The following PPL variants were observed in gnomAD, a reference collection of about 807,000 sequenced individuals.
PPL encodes periplakin.
PPL carries 198 observed loss-of-function variants against 194.4 expected under a neutral mutation model. The observed-to-expected ratio is 1.02, with a 90% CI of 0.91 to 1.15. The LOEUF is 1.15. Ranked by LOEUF, PPL falls within the 50% of genes most tolerant of loss-of-function variation. The pLI is 0.00. For synonymous variants in PPL, 1,220 were observed against 972.4 expected, an observed-to-expected ratio of 1.25 and a Z score of -4.74; for missense variants, 2,885 against 2,294.8, an observed-to-expected ratio of 1.26 and a Z score of -5.25.
chr16:4,925,284 T>C (rs368201281), intron 1 of PPL, among the ~76,000 whole-genome samples: 5 of 152,212 alleles, frequency 3.3e-5, no homozygotes, highest in African/African-American at 1.2e-4. Flanking sequence ...AGTAGCCCTC[T>C]GCCCCTACCT....
intron 1 of PPL, 73 bp downstream of exon 1, chr16:4,936,910 CG>C: frequency 7.0e-7 from 1 of 1,438,144 alleles, no homozygotes. Flanking sequence ...CTACACTGCC[CG>C]GGAGGTCTTC....
chr16:4,892,915 C>T (rs2088347056), intron 14 of PPL: 1 of 347,210 alleles, frequency 2.9e-6, no homozygotes, highest in Non-Finnish European at 5.2e-6. Flanking sequence ...TGTTTGCAGT[C>T]AAGCCAGCCG....
chr16:4,927,615 A>G (rs1015430931), intron 1 of PPL, among the ~76,000 whole-genome samples: 2 of 152,256 alleles, frequency 1.3e-5, no homozygotes, highest in Non-Finnish European at 1.5e-5. Context: ...TGATTGGTCA[A>G]TTGACTGATT....
At chr16:4,928,723 C>T (rs752283066) in intron 1 of PPL, among the ~76,000 whole-genome samples, 1 of 152,270 alleles carries the variant, frequency 6.6e-6, no homozygotes, top group East Asian at 1.9e-4. Context: ...ATAAGAAACT[C>T]TATTTGGCTG....
At chr16:4,930,050 T>G (rs1240705380) in intron 1 of PPL, among the ~76,000 whole-genome samples, 2 of 152,174 alleles carry the variant, frequency 1.3e-5, no homozygotes, top group Admixed American at 1.3e-4. Context: ...GCTCTGTGTA[T>G]GTTTCTAAAA....
At chr16:4,920,926 C>G (rs182315074) in intron 1 of PPL, among the ~76,000 whole-genome samples, 1 of 152,114 alleles carries the variant, frequency 6.6e-6, no homozygotes, top group Non-Finnish European at 1.5e-5. Context: ...TTATACAATT[C>G]GGGCCTTGCT....
At chr16:4,911,670 G>C (rs984959988) in intron 1 of PPL, among the ~76,000 whole-genome samples, 1 of 151,884 alleles carries the variant, frequency 6.6e-6, no homozygotes, top group Non-Finnish European at 1.5e-5. Context: ...AAGTAGCTGG[G>C]ACTACAGGCA....
At chr16:4,935,407 G>A (rs987289040) in intron 1 of PPL, among the ~76,000 whole-genome samples, 1 of 152,278 alleles carries the variant, frequency 6.6e-6, no homozygotes, top group East Asian at 1.9e-4. Context: ...CTGGGGTGGA[G>A]AGGACAGAAC....
At chr16:4,918,522 A>G (rs1358939323) in intron 1 of PPL, among the ~76,000 whole-genome samples, 2 of 152,166 alleles carry the variant, frequency 1.3e-5, no homozygotes, top group Non-Finnish European at 2.9e-5. Context: ...CTAAGTAAGT[A>G]CCATTATTCT....
At chr16:4,890,991 G>A in intron 16 of PPL, 70 bp from the exon 17 acceptor site, 1 of 1,358,610 alleles carries the variant, frequency 7.4e-7, no homozygotes, top group Non-Finnish European at 9.8e-7. Flanking sequence ...GACACCCACT[G>A]AAGCCCCTGG....
rs1285638336 is a variant in PPL, at chr16:4,884,661, G to A, written c.3994C>T (p.Gln1332Ter). 6.2e-7 allele frequency: 1 copy of A among 1,613,988 alleles called. No homozygotes were observed. The highest frequency in any genetic ancestry group is 8.5e-7 in the Non-Finnish European group (1 of 1,180,006). Residue 1332 changes from glutamine (Q) to a stop codon, truncating the protein, a stop_gained, in exon 22 of 22, where the codon CAG becomes TAG. Transcript: ENST00000345988. LOFTEE classifies it high-confidence loss of function. The surrounding 1 kb of genome is among the most constrained non-coding windows in gnomAD (Gnocchi z 5.7). ...TCTTTCCGGGCGATCTGCTCTTCCTGGGAAGCTCTTTCCCTCTCCAGATCC... is the reference window on the plus strand; with the variant it reads ...TCTTTCCGGGCGATCTGCTCTTCCTAGGAAGCTCTTTCCCTCTCCAGATCC... Reference protein sequence around the residue: ...QVDLERERASQEEQIARKEEE... With the variant: ...QVDLERERAS
intron 1 of PPL, among the ~76,000 whole-genome samples, chr16:4,931,635 G>C (rs534692597): frequency 6.6e-6 from 1 of 152,224 alleles, no homozygotes; most frequent in Non-Finnish European, 1.5e-5. Context: ...GCCGGGAGCA[G>C]AGAGCAGCTG....
At position 4,937,063 on chromosome 16, in the gene PPL, G is replaced by C. The variant is rs756988418; in HGVS notation, c.-18C>G. 2.2e-6 allele frequency: 3 copies of C among 1,385,772 alleles called. No individual in the cohort carries two copies. In the Admixed American group the frequency reaches 8.5e-5, roughly 39 times the overall value. 85.8% of individuals were successfully genotyped at this position (1,385,772 alleles called of 1,614,324 possible). Reference sequence around the variant, plus strand: ...GAGTTCATGGTGGCGCTCGGGGTGCGGGCGGCGGCGGCTGGCGGGCCGGGC... The same window carrying C: ...GAGTTCATGGTGGCGCTCGGGGTGCCGGCGGCGGCGGCTGGCGGGCCGGGC... On this transcript the variant is annotated 5_prime_UTR_variant, in exon 1 of 22. Coordinates refer to ENST00000345988, the MANE Select transcript of PPL (RefSeq NM_002705.5).
At position 4,895,411 on chromosome 16, in the gene PPL, G is replaced by C. The variant is rs1303081935; in HGVS notation, c.1096-4C>G. On this transcript the variant is annotated splice_region_variant and splice_polypyrimidine_tract_variant and intron_variant, in intron 10 of 21. Coordinates refer to ENST00000345988, the MANE Select transcript of PPL (RefSeq NM_002705.5). ...TGTCCAGCACCTTCTCCTGGTCCTG[G>C]AGAGAACGGGGTCAGGGGCCCAGGT... 6.2e-7 allele frequency: 1 copy of C among 1,612,608 alleles called. No individual in the cohort carries two copies. Among genetic ancestry groups the C allele is most frequent in the Non-Finnish European group, 8.5e-7 (1 of 1,179,700 alleles).
chr16:4,936,852 G>T, intron 1 of PPL, 132 bp downstream of exon 1: 1 of 889,920 alleles, frequency 1.1e-6, no homozygotes, highest in Non-Finnish European at 1.6e-6. Context: ...CGAGAGTCCC[G>T]CACTCCGGGT....
At chr16:4,913,185 C>T (rs534802920) in intron 1 of PPL, among the ~76,000 whole-genome samples, 26 of 152,172 alleles carry the variant, frequency 1.7e-4, no homozygotes, top group African/African-American at 5.5e-4. Context: ...CCCCTCCTGT[C>T]ACATTTGTCT....
chr16:4,894,436 T>C, intron 12 of PPL, 31 bp downstream of exon 12: 1 of 1,611,744 alleles, frequency 6.2e-7, no homozygotes, highest in Non-Finnish European at 8.5e-7. Flanking sequence ...GTGGGACTGG[T>C]CCATGCAGAC....
In PPL at chr16:4,895,630, G is replaced by T; in HGVS notation, c.1059C>A (p.Asp353Glu). The T allele has an allele frequency of 1.2e-6, 2 of 1,614,062 alleles. No individual in the cohort carries two copies. The highest frequency in any genetic ancestry group is 1.7e-6 in the Non-Finnish European group (2 of 1,180,030). Residue 353 changes from aspartate (D) to glutamate (E), a missense_variant, in exon 10 of 22, where the codon GAC (aspartate) becomes GAA (glutamate). Coordinates refer to ENST00000345988, the MANE Select transcript of PPL (RefSeq NM_002705.5). ...LNQKYGPDFK[D>E]RYQIELLLRE... ...GCAGCAGCAGCTCAATCTGGTACCG[G>T]TCCTTGAAGTCAGGGCCATACTTCT...
chr16:4,905,940 T>C (rs1027355601), intron 2 of PPL, among the ~76,000 whole-genome samples: 19 of 152,216 alleles, frequency 1.2e-4, no homozygotes, highest in African/African-American at 4.6e-4. Context: ...CCCCATTTAT[T>C]AAAAAATATT....
Sources: gnomAD v4.1 joint callset for allele counts (sites outside exome capture counted in the v4.1 genomes callset) on GRCh38, gnomAD v4.1.1 for gene constraint, Gnocchi (gnomAD v3.1) non-coding constraint, MANE v1.5 for transcripts, NCBI Gene and HGNC (gene_info 2026-07-23, HGNC 2026-07-21) for gene names.